Variants in CPNE8 observed in about 807,000 individuals in gnomAD.
CPNE8 encodes copine 8.
A neutral mutation model predicts 81.5 loss-of-function variants in CPNE8; 45 were observed. That is an observed-to-expected ratio of 0.55 (90% CI 0.44 to 0.71). The LOEUF (loss-of-function observed/expected upper bound fraction) is 0.71, where lower values mean the gene tolerates loss of function less well. Ranked by LOEUF, CPNE8 falls within the 30% of genes least tolerant of loss-of-function variation. CPNE8 has a pLI of 0.00. For synonymous variants in CPNE8, 252 were observed against 226.3 expected (o/e 1.11, Z -1.02); for missense variants, 594 against 672.1 (o/e 0.88, Z 1.28).
chr12:38,902,040 T>C (rs1369338057), intron 1 of CPNE8, among the ~76,000 whole-genome samples: 1 of 151,930 alleles, frequency 6.6e-6, no homozygotes, highest in Non-Finnish European at 1.5e-5. Context: ...TTTCCATGAA[T>C]TATATTCAAG....
intron 5 of CPNE8, among the ~76,000 whole-genome samples, chr12:38,836,900 A>T (rs1448796411): frequency 6.6e-6 from 1 of 152,194 alleles, no homozygotes; most frequent in Non-Finnish European, 1.5e-5. Flanking sequence ...AGAAATCTAG[A>T]TAGTCATCTC....
intron 10 of CPNE8, among the ~76,000 whole-genome samples, chr12:38,746,069 C>T (rs61937768): frequency 8.6e-5 from 13 of 151,992 alleles, no homozygotes; most frequent in African/African-American, 2.7e-4. Context: ...ATGTATTTCT[C>T]GCAATCAGTA....
At chr12:38,820,374 C>T (rs993753697) in intron 6 of CPNE8, among the ~76,000 whole-genome samples, 4 of 151,554 alleles carry the variant, frequency 2.6e-5, no homozygotes, top group African/African-American at 4.8e-5. Flanking sequence ...CACTCTACTC[C>T]AGCCTGGGCA....
intron 16 of CPNE8, among the ~76,000 whole-genome samples, chr12:38,681,151 C>T (rs576444989): frequency 3.0e-4 from 46 of 151,614 alleles, no homozygotes; most frequent in Non-Finnish European, 5.0e-4. Flanking sequence ...GTATAATATA[C>T]CAACAAATTA....
intron 6 of CPNE8, among the ~76,000 whole-genome samples, chr12:38,791,685 C>T (rs1942327528): frequency 6.6e-6 from 1 of 151,310 alleles, no homozygotes; most frequent in African/African-American, 2.4e-5. Context: ...ATAGAACAAC[C>T]AGACAAAAGG....
Position 38,880,599 on chromosome 12 carries a change from T to C in CPNE8, c.99-6088A>G, listed in dbSNP as rs146343321. 4.9e-3 allele frequency among the ~76,000 whole-genome samples: 739 copies of C among 152,324 alleles called. 4 individuals are homozygous for C. Among genetic ancestry groups the C allele is most frequent in the Middle Eastern group, 0.031 (9 of 294 alleles). ...TTATTTAGGGCATTATGTTATCTTATGGACTGGAATCAGAAAGTTATTTGT... is the reference window on the plus strand; with the variant it reads ...TTATTTAGGGCATTATGTTATCTTACGGACTGGAATCAGAAAGTTATTTGT... On this transcript the variant is annotated intron_variant, in intron 1 of 19. Coordinates refer to ENST00000331366, the MANE Select transcript of CPNE8 (RefSeq NM_153634.3).
intron 5 of CPNE8, among the ~76,000 whole-genome samples, chr12:38,834,398 C>T (rs554502112): frequency 6.6e-6 from 1 of 152,258 alleles, no homozygotes; most frequent in African/African-American, 2.4e-5. Context: ...CCCCAATGTA[C>T]CTCATTATAT....
intron 14 of CPNE8, among the ~76,000 whole-genome samples, chr12:38,700,579 C>T (rs917192679): frequency 4.6e-5 from 7 of 151,916 alleles, no homozygotes; most frequent in African/African-American, 1.2e-4. Flanking sequence ...GAAAGTGCAC[C>T]GGACTTTGTA....
At chr12:38,782,288 CTA>C (rs1411008724) in intron 6 of CPNE8, among the ~76,000 whole-genome samples, 2 of 152,004 alleles carry the variant, frequency 1.3e-5, no homozygotes, top group Non-Finnish European at 2.9e-5. Flanking sequence ...TTAAAAGAGA[CTA>C]GAATTAAAAC....
At chr12:38,791,130 T>C (rs1240326207) in intron 6 of CPNE8, among the ~76,000 whole-genome samples, 2 of 151,640 alleles carry the variant, frequency 1.3e-5, no homozygotes, top group African/African-American at 4.8e-5. Context: ...TTAAACTTAT[T>C]AAATAAGATG....
chr12:38,900,836 C>T (rs912717975), intron 1 of CPNE8, among the ~76,000 whole-genome samples: 1 of 152,150 alleles, frequency 6.6e-6, no homozygotes, highest in East Asian at 1.9e-4. Context: ...TAGACTTACA[C>T]CAGGTCAGGA....
In CPNE8 at chr12:38,905,582, C is replaced by T. The variant is rs1400754476; in HGVS notation, c.-48G>A. ...TTGTCCGGCGCCCACAACCACAGCT[C>T]GGGCGGACTGAGGGCTAGCTCCCGT... is the stretch of plus-strand genomic sequence containing the variant. On this transcript the variant is annotated 5_prime_UTR_variant, in exon 1 of 20. Transcript: ENST00000331366. The T allele has an allele frequency of 1.9e-6, 3 of 1,541,210 alleles. No homozygotes were observed. Among genetic ancestry groups the T allele is most frequent in the South Asian group, 2.4e-5 (2 of 84,020 alleles).
intron 14 of CPNE8, among the ~76,000 whole-genome samples, chr12:38,701,457 G>A (rs571550845): frequency 6.6e-6 from 1 of 151,784 alleles, no homozygotes; most frequent in Admixed American, 6.6e-5. Context: ...TAAAGCAGTT[G>A]GATTTTAGGT....
chr12:38,795,905 T>TAGATAGATAGATAGATAGAAGAC (rs1555160643), intron 6 of CPNE8, among the ~76,000 whole-genome samples: 50 of 148,356 alleles, frequency 3.4e-4, no homozygotes, highest in African/African-American at 1.1e-3. Context: ...AGATAGAAGA[T>TAGATAGATAGATAGATAGAAGAC]AGATAATACA....
chr12:38,703,424 C>T (rs1409451934), intron 13 of CPNE8, among the ~76,000 whole-genome samples: 1 of 152,080 alleles, frequency 6.6e-6, no homozygotes, highest in Non-Finnish European at 1.5e-5. Context: ...CTGATAAAAC[C>T]CTCAAGAAGC....
At chr12:38,901,927 T>A (rs1220725559) in intron 1 of CPNE8, among the ~76,000 whole-genome samples, 1 of 152,118 alleles carries the variant, frequency 6.6e-6, no homozygotes, top group Admixed American at 6.5e-5. Flanking sequence ...TCAATCAGAT[T>A]TTACATTTTC....
chr12:38,839,810 C>G, intron 5 of CPNE8, 106 bp downstream of exon 5: 1 of 1,009,840 alleles, frequency 9.9e-7, no homozygotes. Context: ...ATGACAATCA[C>G]GTTACATGAA....
intron 8 of CPNE8, 106 bp downstream of exon 8, chr12:38,767,529 A>C: frequency 3.1e-6 from 2 of 640,008 alleles, no homozygotes; most frequent in Non-Finnish European, 5.0e-6. Flanking sequence ...AAAATCTCAA[A>C]CTATTTTACT....
At chr12:38,661,621 T>C (rs1031911467) in intron 19 of CPNE8, among the ~76,000 whole-genome samples, 1 of 151,792 alleles carries the variant, frequency 6.6e-6, no homozygotes, top group Non-Finnish European at 1.5e-5. Context: ...ATAAATAAAA[T>C]TGAAGGGGAA....
Sources: gnomAD v4.1 joint callset for allele counts (sites outside exome capture counted in the v4.1 genomes callset) on GRCh38, gnomAD v4.1.1 for gene constraint, MANE v1.5 for transcripts, NCBI Gene and HGNC (gene_info 2026-07-23, HGNC 2026-07-21) for gene names.